CCSER1: variants seen among roughly 807,000 people sequenced by gnomAD.
The protein encoded by CCSER1 is coiled-coil serine rich protein 1, also known as serine-rich coiled-coil domain-containing protein 1.
CCSER1 carries 41 observed loss-of-function variants against 82.0 expected under a neutral mutation model. The ratio of observed to expected loss-of-function variants is 0.50; its 90% CI spans 0.39 to 0.65. The LOEUF is 0.65. Among genes scored for constraint, CCSER1 ranks in the 30% least tolerant of loss-of-function variants. CCSER1 has a pLI of 0.00. For missense variants in CCSER1, 1,119 were observed against 1,064.2 expected (o/e 1.05, Z -0.72); for synonymous variants, 414 against 383.9 (o/e 1.08, Z -0.92).
intron 6 of CCSER1, among the ~76,000 whole-genome samples, chr4:90,707,536 A>ATATAT (rs534333650): frequency 2.8e-5 from 4 of 144,602 alleles, no homozygotes; most frequent in Non-Finnish European, 6.0e-5. Context: ...CCTTAAAAAA[A>ATATAT]AAATATATAT....
intron 9 of CCSER1, among the ~76,000 whole-genome samples, chr4:91,031,346 C>G (rs899057652): frequency 6.6e-6 from 1 of 152,050 alleles, no homozygotes; most frequent in Non-Finnish European, 1.5e-5. Flanking sequence ...TGCTTTACTC[C>G]TAAATAGTAC....
At chr4:90,540,098 G>C (rs1408214323) in intron 5 of CCSER1, among the ~76,000 whole-genome samples, 1 of 152,022 alleles carries the variant, frequency 6.6e-6, no homozygotes, top group Non-Finnish European at 1.5e-5. Flanking sequence ...GTATAAACCT[G>C]GGTGCTAAGG....
chr4:91,110,971 G>A (rs1726047942), intron 10 of CCSER1, among the ~76,000 whole-genome samples: 1 of 151,890 alleles, frequency 6.6e-6, no homozygotes, highest in African/African-American at 2.4e-5. Flanking sequence ...ATATATAGAT[G>A]ATGATAATAG....
chr4:91,589,574 CTTTTTT>C (rs11411865), intron 10 of CCSER1, among the ~76,000 whole-genome samples: 1 of 144,610 alleles, frequency 6.9e-6, no homozygotes, highest in Non-Finnish European at 1.5e-5. Flanking sequence ...ACAAGAGGCT[CTTTTTT>C]TTTTTTTTAT....
intron 10 of CCSER1, among the ~76,000 whole-genome samples, chr4:91,484,112 C>G (rs1486469036): frequency 6.7e-6 from 1 of 149,980 alleles, no homozygotes; most frequent in African/African-American, 2.4e-5. Flanking sequence ...ATTCAGTTCT[C>G]AAATTCCACC....
At position 90,843,192 on chromosome 4, in the gene CCSER1, A is replaced by G. The variant is rs186902104; in HGVS notation, c.2094+27347A>G. On this transcript the variant is annotated intron_variant, in intron 8 of 10. Coordinates refer to ENST00000509176, the MANE Select transcript of CCSER1 (RefSeq NM_001145065.2). Reference sequence around the variant, plus strand: ...TCATCTGCAGTGCAAAGGTAATAATAGTATCTACTTCATGTAATGTGGTAA... The same window carrying G: ...TCATCTGCAGTGCAAAGGTAATAATGGTATCTACTTCATGTAATGTGGTAA... 5.6e-4 allele frequency among the ~76,000 whole-genome samples: 85 copies of G among 152,166 alleles called. 1 individual carries two copies. Among genetic ancestry groups the G allele is most frequent in the Non-Finnish European group, 7.4e-5 (5 of 68,008 alleles).
intron 8 of CCSER1, among the ~76,000 whole-genome samples, chr4:90,906,621 T>C (rs895517751): frequency 5.9e-5 from 9 of 152,128 alleles, no homozygotes; most frequent in African/African-American, 2.2e-4. Context: ...AAAATAGGAA[T>C]CTTATTTTTA....
intron 8 of CCSER1, among the ~76,000 whole-genome samples, chr4:90,851,836 A>G (rs1161298028): frequency 6.6e-6 from 1 of 152,300 alleles, no homozygotes; most frequent in Non-Finnish European, 1.5e-5. Context: ...GTAATTGTAC[A>G]TAACTGTGTG....
rs570612646 is a variant in CCSER1, at chr4:90,750,008, A to T, written c.2010+26017A>T. 3.4e-4 allele frequency among the ~76,000 whole-genome samples: 52 copies of T among 152,190 alleles called. 1 individual carries two copies. The highest frequency in any genetic ancestry group is 1.1e-3 in the African/African-American group (46 of 41,532). On this transcript the variant is annotated intron_variant, in intron 7 of 10. Transcript: ENST00000509176. ...TCTAACTGGTGTGAGATGATATCTCATTGTGGTGTTGATTTGTATTTCTCT... is the reference window on the plus strand; with the variant it reads ...TCTAACTGGTGTGAGATGATATCTCTTTGTGGTGTTGATTTGTATTTCTCT...
intron 10 of CCSER1, among the ~76,000 whole-genome samples, chr4:91,228,023 CTTTAT>C (rs760019939): frequency 9.2e-5 from 14 of 151,988 alleles, no homozygotes; most frequent in Non-Finnish European, 1.8e-4. Context: ...AGTTCTGTGA[CTTTAT>C]TTTATTTCAT....
At chr4:91,459,810 T>C (rs1329845166) in intron 10 of CCSER1, among the ~76,000 whole-genome samples, 1 of 152,158 alleles carries the variant, frequency 6.6e-6, no homozygotes, top group African/African-American at 2.4e-5. Flanking sequence ...TTGCAAAAAC[T>C]GCAGTTATTC....
rs1165145889 is a variant in CCSER1 at position 91,360,782 on chromosome 4, T to G, written c.2218-237790T>G. Among the ~76,000 whole-genome samples, 3 of 151,904 alleles carry G rather than the reference T, an allele frequency of 2.0e-5. 1 individual carries two copies. The highest frequency in any genetic ancestry group is 4.8e-5 in the African/African-American group (2 of 41,414). The stretch of plus-strand genomic sequence containing the variant: ...CATTTTTTCCAACTTTTCTTCTTTA[T>G]TGGATGTCTCATTTATATGAGCCAG... On this transcript the variant is annotated intron_variant, in intron 10 of 10. Coordinates refer to ENST00000509176, the MANE Select transcript of CCSER1 (RefSeq NM_001145065.2).
At chr4:91,434,531 CT>C (rs1488096943) in intron 10 of CCSER1, among the ~76,000 whole-genome samples, 1 of 152,034 alleles carries the variant, frequency 6.6e-6, no homozygotes, top group East Asian at 1.9e-4. Context: ...AGGGTGTAAG[CT>C]TACCAATTCA....
At chr4:91,080,974 G>C (rs1722649132) in intron 9 of CCSER1, among the ~76,000 whole-genome samples, 1 of 152,136 alleles carries the variant, frequency 6.6e-6, no homozygotes. Context: ...ATTCTACCCA[G>C]AGGTACAAAG....
chr4:90,662,100 G>T lies in CCSER1; in HGVS notation c.1932+33868G>T, dbSNP rs1009434254. 2.0e-5 allele frequency among the ~76,000 whole-genome samples: 3 copies of T among 151,180 alleles called. No homozygotes were observed. In the South Asian group the frequency reaches 6.2e-4, roughly 31 times the overall value. ...TGCAACCTCCGCCTCCCAGGTTCAC[G>T]TGATTCTCCTGCCTCAGCCTCCCAA... On this transcript the variant is annotated intron_variant, in intron 6 of 10. Coordinates refer to ENST00000509176, the MANE Select transcript of CCSER1 (RefSeq NM_001145065.2).
intron 9 of CCSER1, among the ~76,000 whole-genome samples, chr4:91,058,833 T>C (rs1023542892): frequency 6.6e-6 from 1 of 152,096 alleles, no homozygotes; most frequent in African/African-American, 2.4e-5. Flanking sequence ...ATAGCTCTTA[T>C]GGAAGATCTG....
chr4:91,566,966 T>C (rs984823406), intron 10 of CCSER1, among the ~76,000 whole-genome samples: 1 of 152,128 alleles, frequency 6.6e-6, no homozygotes, highest in Non-Finnish European at 1.5e-5. Context: ...TCTACTTCTT[T>C]CAGTTGTGAA....
chr4:91,598,556 C>T lies in CCSER1; in HGVS notation c.2218-16C>T, dbSNP rs1212433072. The T allele has an allele frequency of 6.6e-7, 1 of 1,524,984 alleles. No homozygotes were observed. Among genetic ancestry groups the T allele is most frequent in the Non-Finnish European group, 8.8e-7 (1 of 1,133,922 alleles). 94.5% of individuals were successfully genotyped at this position (1,524,984 alleles called of 1,614,324 possible). A position where few individuals can be genotyped will look rare whatever the true frequency, so the allele number is the denominator to read the frequency against. Reference sequence around the variant, plus strand: ...GTTTTTTTAAGACATCTTTTTCTTTCTGTGTCTTACCATAGGCTACATATC... The same window carrying T: ...GTTTTTTTAAGACATCTTTTTCTTTTTGTGTCTTACCATAGGCTACATATC... On this transcript the variant is annotated splice_polypyrimidine_tract_variant and intron_variant, in intron 10 of 10. Coordinates refer to ENST00000509176, the MANE Select transcript of CCSER1 (RefSeq NM_001145065.2).
rs774471111 is a variant in CCSER1 at position 91,516,785 on chromosome 4, T to C, written c.2218-81787T>C. Among the ~76,000 whole-genome samples, 33 of 152,196 alleles carry C rather than the reference T, an allele frequency of 2.2e-4. 1 individual carries two copies. Among genetic ancestry groups the C allele is most frequent in the Non-Finnish European group, 4.3e-4 (29 of 68,038 alleles). ...ATAAGTGTAGCATTGAATCTGTAAA[T>C]TTTGGGGAGAAGTATGGCCATTTTA... On this transcript the variant is annotated intron_variant, in intron 10 of 10. Coordinates refer to ENST00000509176, the MANE Select transcript of CCSER1 (RefSeq NM_001145065.2).
Sources: allele counts gnomAD v4.1 joint callset (sites outside exome capture counted in the v4.1 genomes callset), GRCh38; gene constraint gnomAD v4.1.1; transcripts MANE v1.5; gene names NCBI Gene and HGNC (gene_info 2026-07-23, HGNC 2026-07-21).